The following HEPH variants were observed in gnomAD, a reference collection of about 807,000 sequenced individuals.
HEPH encodes the protein hephaestin.
A neutral mutation model predicts 80.8 loss-of-function variants in HEPH; 69 were observed. The ratio of observed to expected loss-of-function variants is 0.85; its 90% CI spans 0.70 to 1.04. The LOEUF is 1.04. HEPH is among the 50% of genes least tolerant of loss of function. HEPH has a pLI of 0.00. For missense variants in HEPH, 1,115 were observed against 891.3 expected (o/e 1.25, Z -3.20); for synonymous variants, 431 against 322.8 (o/e 1.34, Z -3.60).
chrX:66,173,515 C>A, intron 3 of HEPH, 74 bp from the exon 4 acceptor site: 1 of 736,462 alleles, frequency 1.4e-6, no homozygotes, highest in Non-Finnish European at 2.0e-6. Context: ...TACATGTCAG[C>A]TCTGTCTTAA....
chrX:66,211,061 G>A (rs1363051182), intron 15 of HEPH, among the ~76,000 whole-genome samples: 1 of 111,485 alleles, frequency 9.0e-6, no homozygotes, highest in African/African-American at 3.3e-5. Flanking sequence ...ACCTGGGATA[G>A]CATAGGAATT....
In HEPH at chrX:66,258,027, T is replaced by A. The variant is rs1007987933; in HGVS notation, c.2897-813T>A. ...TTATTAATTCTATGCATTAATGTTA[T>A]TAATTCCATGAATGTGGCAGGTATT... is the stretch of plus-strand genomic sequence containing the variant. On this transcript the variant is annotated intron_variant, in intron 17 of 20. Coordinates refer to ENST00000343002, the MANE Select transcript of HEPH (RefSeq NM_001367233.3). Among the ~76,000 whole-genome samples the A allele has an allele frequency of 7.1e-5, 8 of 112,138 alleles. No individual in the cohort carries two copies. The Admixed American group carries it at 7.6e-4, about 11-fold the overall frequency.
chrX:66,198,799 C>G (rs994251228), intron 10 of HEPH, 79 bp from the exon 11 acceptor site: 1 of 760,822 alleles, frequency 1.3e-6, no homozygotes, highest in Non-Finnish European at 2.0e-6. Context: ...TCTGGCATCC[C>G]TTGATCTGTA....
intron 15 of HEPH, among the ~76,000 whole-genome samples, chrX:66,231,989 G>C (rs1307711283): frequency 1.1e-4 from 12 of 110,081 alleles, no homozygotes; most frequent in South Asian, 7.7e-4. Flanking sequence ...TAGCATGAAG[G>C]GTTGTTGAAT....
intron 16 of HEPH, 55 bp downstream of exon 16, chrX:66,255,196 C>G (rs2091136315): frequency 2.5e-6 from 2 of 798,775 alleles, no homozygotes; most frequent in African/African-American, 4.1e-5. Flanking sequence ...CAAAAAGAAG[C>G]TATTAACCAG....
At chrX:66,199,769 G>A (rs772701705) in intron 11 of HEPH, among the ~76,000 whole-genome samples, 7 of 112,155 alleles carry the variant, frequency 6.2e-5, no homozygotes, top group African/African-American at 9.7e-5. Context: ...ATAGCTGAAC[G>A]AAGATACGAC....
intron 4 of HEPH, among the ~76,000 whole-genome samples, chrX:66,177,044 A>C (rs146366468): frequency 0.074 from 8,228 of 111,262 alleles, 779 homozygotes; most frequent in African/African-American, 0.26. Flanking sequence ...TACAGAATGG[A>C]AGAAAATTTT....
At chrX:66,210,840 C>A (rs745847034) in intron 15 of HEPH, among the ~76,000 whole-genome samples, 1 of 111,115 alleles carries the variant, frequency 9.0e-6, no homozygotes, top group East Asian at 2.8e-4. Flanking sequence ...GGATTAAGCA[C>A]CTGGATGTTG....
intron 15 of HEPH, among the ~76,000 whole-genome samples, chrX:66,225,315 G>A (rs775275729): frequency 9.0e-6 from 1 of 111,599 alleles, no homozygotes; most frequent in East Asian, 2.8e-4. Context: ...AAAACACCAC[G>A]CTTACATCAC....
intron 15 of HEPH, among the ~76,000 whole-genome samples, chrX:66,211,210 A>C (rs1337679978): frequency 9.0e-6 from 1 of 111,392 alleles, no homozygotes; most frequent in Non-Finnish European, 1.9e-5. Context: ...AAGAGGAGGT[A>C]CTCTATCTTA....
At chrX:66,206,512 G>A (rs1325536003) in intron 13 of HEPH, among the ~76,000 whole-genome samples, 1 of 105,651 alleles carries the variant, frequency 9.5e-6, no homozygotes, top group African/African-American at 3.4e-5. Context: ...ACGGGCACAA[G>A]CCACTACACC....
Position 66,223,864 on chromosome X carries a change from A to G in HEPH, c.2563+15618A>G, listed in dbSNP as rs763421597. On this transcript the variant is annotated intron_variant, in intron 15 of 20. Coordinates refer to ENST00000343002, the MANE Select transcript of HEPH (RefSeq NM_001367233.3). ...TTTTTTTTCCAATAGTTTTACATTT[A>G]GGAAGCCTAGTTAGTTTTAAATTAT... Among the ~76,000 whole-genome samples the G allele has an allele frequency of 3.6e-5, 4 of 111,711 alleles. No individual in the cohort carries two copies. The Admixed American group carries it at 3.8e-4, about 11-fold the overall frequency.
intron 20 of HEPH, among the ~76,000 whole-genome samples, chrX:66,264,806 TTA>T (rs1181752448): frequency 4.7e-5 from 5 of 105,375 alleles, no homozygotes; most frequent in African/African-American, 1.0e-4. Flanking sequence ...TATATATATA[TTA>T]TATATATATA....
Position 66,180,290 on chromosome X carries a change from A to AGT in HEPH, c.625+6491_625+6492dup, listed in dbSNP as rs907996454. Among the ~76,000 whole-genome samples, 5 of 110,886 alleles carry AGT rather than the reference A, an allele frequency of 4.5e-5. No homozygotes were observed. The East Asian group carries it at 1.4e-3, about 31-fold the overall frequency. On this transcript the variant is annotated intron_variant, in intron 4 of 20. Transcript: ENST00000343002. ...TAGAGCTCCTTTTAGCAGTTCTTGT[A>AGT]GTGGTGGCTTGGTAGTGGCAAATTC...
chrX:66,229,289 G>A (rs753476767), intron 15 of HEPH, among the ~76,000 whole-genome samples: 3 of 112,375 alleles, frequency 2.7e-5, no homozygotes, highest in South Asian at 3.7e-4. Context: ...TAATGAAATA[G>A]TAGCATTTGC....
intron 15 of HEPH, among the ~76,000 whole-genome samples, chrX:66,234,358 C>T (rs945264030): frequency 6.9e-4 from 77 of 110,956 alleles, no homozygotes; most frequent in African/African-American, 2.4e-3. Flanking sequence ...TTTCCTATTG[C>T]GAATAGTGCT....
At chrX:66,199,169 C>G (rs2088278707) in intron 11 of HEPH, 141 bp downstream of exon 11, 1 of 551,758 alleles carries the variant, frequency 1.8e-6, no homozygotes, top group African/African-American at 2.3e-5. Context: ...AGAGGCTCAA[C>G]CGAACACAAC....
At chrX:66,201,818 G>A (rs1306591721) in intron 12 of HEPH, among the ~76,000 whole-genome samples, 1 of 112,279 alleles carries the variant, frequency 8.9e-6, no homozygotes, top group Non-Finnish European at 1.9e-5. Flanking sequence ...TGTGAGAGAA[G>A]CTTGTGGCTT....
intron 15 of HEPH, among the ~76,000 whole-genome samples, chrX:66,226,051 G>T (rs1569361849): frequency 9.0e-6 from 1 of 111,074 alleles, no homozygotes. Flanking sequence ...TGTGACTGGG[G>T]GCTGCATTCA....
Sources: gnomAD v4.1 joint callset for allele counts (sites outside exome capture counted in the v4.1 genomes callset) on GRCh38, gnomAD v4.1.1 for gene constraint, MANE v1.5 for transcripts, NCBI Gene and HGNC (gene_info 2026-07-23, HGNC 2026-07-21) for gene names.